The following DISP1 variants were observed in gnomAD, a reference collection of about 807,000 sequenced individuals.
The protein encoded by DISP1 is protein dispatched homolog 1.
Under a neutral mutation model 37.3 loss-of-function variants are expected in DISP1, and 30 were observed. The ratio of observed to expected loss-of-function variants is 0.80; its 90% CI spans 0.60 to 1.09. DISP1 has a LOEUF of 1.09. Ranked by LOEUF, DISP1 falls within the 50% of genes least tolerant of loss-of-function variation. The pLI, the probability that DISP1 is intolerant of heterozygous loss-of-function variation, is 0.00. For missense variants in DISP1, 1,598 were observed against 1,879.5 expected (o/e 0.85, Z 2.77); for synonymous variants, 634 against 690.2 (o/e 0.92, Z 1.28).
chr1:222,830,366 T>G (rs1665433574), intron 1 of DISP1, among the ~76,000 whole-genome samples: 1 of 152,074 alleles, frequency 6.6e-6, no homozygotes, highest in Admixed American at 6.6e-5. Context: ...TCTTTCTTCC[T>G]TCCGTCCTTC....
At position 222,910,043 on chromosome 1, in the gene DISP1, A is replaced by G. The variant is rs547806659; in HGVS notation, c.-158-18387A>G. 3.9e-5 allele frequency among the ~76,000 whole-genome samples: 6 copies of G among 152,306 alleles called. No homozygotes were observed. The East Asian group carries it at 1.2e-3, about 29-fold the overall frequency. The stretch of plus-strand genomic sequence containing the variant: ...AAAAGTTGCCTGCTGGTTCTGTAAT[A>G]TCCCTAATGTTGTCCTTCTAAACTA... On this transcript the variant is annotated intron_variant, in intron 1 of 8. Coordinates refer to ENST00000675850, the MANE Select transcript of DISP1 (RefSeq NM_001377229.1).
At chr1:222,883,294 A>G (rs1032725865) in intron 1 of DISP1, among the ~76,000 whole-genome samples, 1 of 152,192 alleles carries the variant, frequency 6.6e-6, no homozygotes, top group Non-Finnish European at 1.5e-5. Flanking sequence ...CAAAGTTTTT[A>G]TGGAAACATT....
intron 1 of DISP1, among the ~76,000 whole-genome samples, chr1:222,890,819 G>T (rs756097871): frequency 2.0e-5 from 3 of 152,012 alleles, no homozygotes; most frequent in Non-Finnish European, 4.4e-5. Flanking sequence ...AATCTTTGGT[G>T]TTACTTGGTT....
intron 3 of DISP1, among the ~76,000 whole-genome samples, chr1:222,961,280 T>A (rs1238825372): frequency 6.6e-6 from 1 of 152,176 alleles, no homozygotes; most frequent in Non-Finnish European, 1.5e-5. Flanking sequence ...CATGATCAAG[T>A]CAGCTTCATA....
chr1:223,003,871 C>A lies in DISP1; in HGVS notation c.2474C>A (p.Ala825Asp). Residue 825 changes from alanine (A) to aspartate (D), a missense_variant, in exon 9 of 9, where the codon GCC becomes GAC. Transcript: ENST00000675850. This position sits in a 1 kb window ranked among gnomAD's most constrained non-coding sequence, Gnocchi z 4.3. Reference protein sequence around the residue: ...SFNIASPASQAWILHFCQKLR... With the variant: ...SFNIASPASQDWILHFCQKLR... ...AACATCGCCAGCCCAGCTTCCCAGG[C>A]CTGGATTTTGCACTTCTGTCAAAAA... is the stretch of plus-strand genomic sequence containing the variant. 6.2e-7 allele frequency: 1 copy of A among 1,614,108 alleles called. No individual in the cohort carries two copies. The highest frequency in any genetic ancestry group is 1.1e-5 in the South Asian group (1 of 91,080).
intron 2 of DISP1, among the ~76,000 whole-genome samples, chr1:222,940,116 A>G (rs1234397703): frequency 6.7e-6 from 1 of 149,420 alleles, no homozygotes; most frequent in Non-Finnish European, 1.5e-5. Flanking sequence ...ACAGAGCAAG[A>G]CTCCATCTCA....
At chr1:222,880,675 C>T (rs1670224293) in intron 1 of DISP1, among the ~76,000 whole-genome samples, 1 of 152,120 alleles carries the variant, frequency 6.6e-6, no homozygotes, top group Non-Finnish European at 1.5e-5. Flanking sequence ...TTGAATGAAT[C>T]ACCTAAGAAT....
rs1312795242 is a variant in DISP1 at position 222,851,100 on chromosome 1, CT to C, written c.-159+36024del. 1.9e-4 allele frequency among the ~76,000 whole-genome samples: 25 copies of C among 129,308 alleles called. No homozygotes were observed. The East Asian group carries it at 5.1e-3, about 26-fold the overall frequency. 84.8% of individuals were successfully genotyped at this position (129,308 alleles called of 152,430 possible). A position where few individuals can be genotyped will look rare whatever the true frequency, so the allele number is the denominator to read the frequency against. On this transcript the variant is annotated intron_variant, in intron 1 of 8. Coordinates refer to ENST00000675850, the MANE Select transcript of DISP1 (RefSeq NM_001377229.1). ...TTTTTTTTGAGACAGAGTTTCCACT[CT>C]TGTTGCCCAGGCTGAAGTGCAATGG...
chr1:222,986,627 C>T (rs544665158), intron 4 of DISP1, among the ~76,000 whole-genome samples: 2 of 152,324 alleles, frequency 1.3e-5, no homozygotes, highest in South Asian at 2.1e-4. Flanking sequence ...CATCCACGAA[C>T]GCATTTCATT....
chr1:222,892,179 G>A (rs542743512), intron 1 of DISP1, among the ~76,000 whole-genome samples: 7 of 152,226 alleles, frequency 4.6e-5, no homozygotes, highest in Non-Finnish European at 7.4e-5. Context: ...TTTCCTTCAC[G>A]TTTAGCAGTC....
chr1:222,923,092 C>T (rs182852566), intron 1 of DISP1, among the ~76,000 whole-genome samples: 141 of 152,178 alleles, frequency 9.3e-4, no homozygotes, highest in African/African-American at 3.3e-3. Flanking sequence ...GGTAAGTAGC[C>T]TGAGGACTAG....
intron 8 of DISP1, among the ~76,000 whole-genome samples, chr1:222,998,199 G>T (rs1679204512): frequency 6.6e-6 from 1 of 151,450 alleles, no homozygotes; most frequent in South Asian, 2.1e-4. Flanking sequence ...AGTGGTTCGA[G>T]CAGAGTTGTC....
chr1:222,875,975 G>GAAAAAAAAAAAAAGA (rs5781287), intron 1 of DISP1, among the ~76,000 whole-genome samples: 100 of 142,636 alleles, frequency 7.0e-4, no homozygotes, highest in South Asian at 2.2e-3. Context: ...AAATTTTCCT[G>GAAAAAAAAAAAAAGA]AAAAAAAAAA....
At chr1:222,859,370 G>A (rs1668748355) in intron 1 of DISP1, among the ~76,000 whole-genome samples, 1 of 152,142 alleles carries the variant, frequency 6.6e-6, no homozygotes, top group African/African-American at 2.4e-5. Context: ...AGGAAAAATA[G>A]CTAATGCATG....
Position 222,874,374 on chromosome 1 carries a change from C to T in DISP1, c.-158-54056C>T, listed in dbSNP as rs1669818050. Among the ~76,000 whole-genome samples the T allele has an allele frequency of 2.0e-5, 3 of 152,214 alleles. No homozygotes were observed. The South Asian group carries it at 6.2e-4, about 32-fold the overall frequency. ...GGATAATATCCTGCAGAGTGTTTTC[C>T]AACTTGGTTCCATTCTCCCCATCGT... On this transcript the variant is annotated intron_variant, in intron 1 of 8. Transcript: ENST00000675850.
rs1408072267 is a variant in DISP1, at chr1:222,991,451, A to G, written c.664-69A>G. Reference sequence around the variant, plus strand: ...TATATCACTTTGACATTGCTTTCCCAAGCTTTTATTGTAACTGTACTTAGC... The same window carrying G: ...TATATCACTTTGACATTGCTTTCCCGAGCTTTTATTGTAACTGTACTTAGC... On this transcript the variant is annotated intron_variant, in intron 5 of 8. Transcript: ENST00000675850. 28 of 1,599,664 alleles carry G rather than the reference A, an allele frequency of 1.8e-5. No individual in the cohort carries two copies. In the Admixed American group the frequency reaches 4.7e-4, roughly 27 times the overall value.
At chr1:222,850,750 T>C (rs1007014016) in intron 1 of DISP1, among the ~76,000 whole-genome samples, 2 of 152,226 alleles carry the variant, frequency 1.3e-5, no homozygotes, top group African/African-American at 4.8e-5. Context: ...GTTCCCTCCA[T>C]GTTCCCTCAA....
intron 1 of DISP1, among the ~76,000 whole-genome samples, chr1:222,928,143 T>A (rs1673187157): frequency 6.6e-6 from 1 of 152,168 alleles, no homozygotes; most frequent in Non-Finnish European, 1.5e-5. Flanking sequence ...ACTAAGTAAC[T>A]TAAAATCCAA....
rs970458726 is a variant in DISP1, at chr1:222,986,244, C to T, written c.539+3135C>T. Among the ~76,000 whole-genome samples the T allele has an allele frequency of 6.6e-5, 10 of 151,788 alleles. 1 individual carries two copies. The South Asian group carries it at 1.5e-3, about 22-fold the overall frequency. ...CTGAATTATACCATCTGAAACACGGCTTTCTGCTCAGAGGGAAGAGAAAAA... is the reference window on the plus strand; with the variant it reads ...CTGAATTATACCATCTGAAACACGGTTTTCTGCTCAGAGGGAAGAGAAAAA... On this transcript the variant is annotated intron_variant, in intron 4 of 8. Coordinates refer to ENST00000675850, the MANE Select transcript of DISP1 (RefSeq NM_001377229.1).
Sources: gnomAD v4.1 joint callset for allele counts (sites outside exome capture counted in the v4.1 genomes callset) on GRCh38, gnomAD v4.1.1 for gene constraint, Gnocchi (gnomAD v3.1) non-coding constraint, MANE v1.5 for transcripts, NCBI Gene and HGNC (gene_info 2026-07-23, HGNC 2026-07-21) for gene names.